Variants in TBC1D22A observed in about 807,000 individuals in gnomAD.
TBC1D22A encodes the protein TBC1 domain family member 22A, also known as putative GTPase activator.
A neutral mutation model predicts 60.2 loss-of-function variants in TBC1D22A; 38 were observed. That is an observed-to-expected ratio of 0.63 (90% CI 0.49 to 0.83). TBC1D22A has a LOEUF of 0.83. TBC1D22A is among the 40% of genes least tolerant of loss of function. The pLI is 0.00. For missense variants in TBC1D22A, 628 were observed against 701.0 expected (o/e 0.90, Z 1.18); for synonymous variants, 302 against 281.7 (o/e 1.07, Z -0.72).
chr22:47,011,505 A>G (rs1388022172), intron 10 of TBC1D22A, among the ~76,000 whole-genome samples: 1 of 152,172 alleles, frequency 6.6e-6, no homozygotes, highest in Non-Finnish European at 1.5e-5. Flanking sequence ...GATGTTCCCC[A>G]TAACCAATGC....
chr22:46,790,441 T>C (rs1165630141), intron 1 of TBC1D22A, among the ~76,000 whole-genome samples: 1 of 152,252 alleles, frequency 6.6e-6, no homozygotes, highest in Non-Finnish European at 1.5e-5. Flanking sequence ...TAAGGTGACG[T>C]AGTCACAGGT....
At chr22:46,811,477 C>G (rs544801493) in intron 4 of TBC1D22A, among the ~76,000 whole-genome samples, 1 of 152,244 alleles carries the variant, frequency 6.6e-6, no homozygotes, top group South Asian at 2.1e-4. Flanking sequence ...ATGGGGCAAG[C>G]CTCTCTTAGG....
chr22:46,904,147 C>CTA (rs2069259821), intron 7 of TBC1D22A, among the ~76,000 whole-genome samples: 1 of 90,742 alleles, frequency 1.1e-5, no homozygotes, highest in East Asian at 3.8e-4. Context: ...ATCTATCTAC[C>CTA]TACCTACCTA....
At chr22:46,793,868 T>G (rs1318783637) in intron 3 of TBC1D22A, 27 bp downstream of exon 3, 1 of 1,505,652 alleles carries the variant, frequency 6.6e-7, no homozygotes, top group Non-Finnish European at 8.9e-7. Flanking sequence ...GAAGAGATGG[T>G]CTGGGTTTCT....
At chr22:46,865,496 G>A (rs977791986) in intron 4 of TBC1D22A, among the ~76,000 whole-genome samples, 8 of 152,210 alleles carry the variant, frequency 5.3e-5, no homozygotes, top group African/African-American at 1.7e-4. Context: ...TTTTTGAGCA[G>A]TGATTTGACA....
intron 12 of TBC1D22A, among the ~76,000 whole-genome samples, chr22:47,153,252 C>T (rs1287181554): frequency 2.6e-5 from 4 of 152,222 alleles, no homozygotes; most frequent in Non-Finnish European, 5.9e-5. Flanking sequence ...CTTCCAAATG[C>T]AGCTCACGTT....
intron 9 of TBC1D22A, among the ~76,000 whole-genome samples, chr22:46,983,703 T>G (rs1374894872): frequency 6.6e-6 from 1 of 151,758 alleles, no homozygotes; most frequent in African/African-American, 2.4e-5. Context: ...AGGTTTTTTT[T>G]TTTTTTATAT....
intron 11 of TBC1D22A, among the ~76,000 whole-genome samples, chr22:47,078,132 C>T (rs2064305410): frequency 6.6e-6 from 1 of 152,040 alleles, no homozygotes; most frequent in Non-Finnish European, 1.5e-5. Flanking sequence ...CCCTAGACAC[C>T]CTTGAGGGGG....
intron 1 of TBC1D22A, among the ~76,000 whole-genome samples, chr22:46,773,231 A>T (rs2083565183): frequency 6.6e-6 from 1 of 152,170 alleles, no homozygotes. Flanking sequence ...GGAGCCCAGG[A>T]ACAGGAGCCC....
chr22:46,858,090 A>G (rs544303512), intron 4 of TBC1D22A, among the ~76,000 whole-genome samples: 1 of 152,222 alleles, frequency 6.6e-6, no homozygotes, highest in African/African-American at 2.4e-5. Flanking sequence ...CCTTCCCACC[A>G]GCAATGCATG....
intron 8 of TBC1D22A, among the ~76,000 whole-genome samples, chr22:46,972,143 G>C (rs974324277): frequency 1.3e-5 from 2 of 152,222 alleles, no homozygotes; most frequent in Admixed American, 1.3e-4. Context: ...GTATGCTGTG[G>C]ACAATGGTGT....
intron 12 of TBC1D22A, among the ~76,000 whole-genome samples, chr22:47,117,812 A>G (rs1488564624): frequency 6.6e-6 from 1 of 152,196 alleles, no homozygotes; most frequent in African/African-American, 2.4e-5. Flanking sequence ...AAGTTTAAGC[A>G]TATTTAGTTG....
intron 10 of TBC1D22A, among the ~76,000 whole-genome samples, chr22:46,999,267 C>G (rs1347390232): frequency 1.3e-5 from 2 of 152,320 alleles, no homozygotes; most frequent in African/African-American, 2.4e-5. Flanking sequence ...ACCAAAGGAA[C>G]CCCAACGAAA....
At chr22:46,971,111 C>G (rs1376333387) in intron 8 of TBC1D22A, among the ~76,000 whole-genome samples, 4 of 152,212 alleles carry the variant, frequency 2.6e-5, no homozygotes, top group African/African-American at 9.7e-5. Flanking sequence ...CACGGGGGCT[C>G]TCTGAGTTAA....
At chr22:47,037,855 T>A (rs2062704948) in intron 11 of TBC1D22A, among the ~76,000 whole-genome samples, 1 of 152,182 alleles carries the variant, frequency 6.6e-6, no homozygotes, top group African/African-American at 2.4e-5. Flanking sequence ...GAGCTGCTTC[T>A]GCCAAAAAAC....
rs570688626 is a variant in TBC1D22A at position 46,792,448 on chromosome 22, C to T, written c.63-72C>T. 86 of 1,602,210 alleles carry T rather than the reference C, an allele frequency of 5.4e-5. No individual in the cohort carries two copies. The South Asian group carries it at 5.5e-4, about 10-fold the overall frequency. ...TGTGGGTTCCTGGGAGCCCACCTTT[C>T]GGCTGAGCTGGTGGAGGGCTCTTGG... is the stretch of plus-strand genomic sequence containing the variant. On this transcript the variant is annotated intron_variant, in intron 1 of 12. Transcript: ENST00000337137.
At chr22:47,119,385 T>TG (rs2066189468) in intron 12 of TBC1D22A, among the ~76,000 whole-genome samples, 2 of 152,346 alleles carry the variant, frequency 1.3e-5, no homozygotes, top group Admixed American at 1.3e-4. Context: ...CTGTCTCAGC[T>TG]GAATCATCAG....
At chr22:46,901,981 A>G (rs987056290) in intron 7 of TBC1D22A, among the ~76,000 whole-genome samples, 2 of 152,210 alleles carry the variant, frequency 1.3e-5, no homozygotes, top group African/African-American at 2.4e-5. Flanking sequence ...TTCAATTTCA[A>G]TATAGTTCCT....
intron 9 of TBC1D22A, among the ~76,000 whole-genome samples, chr22:46,992,610 TC>T (rs1395789973): frequency 6.6e-6 from 1 of 152,230 alleles, no homozygotes; most frequent in Non-Finnish European, 1.5e-5. Context: ...TTCGCACACA[TC>T]GATACTCAGG....
Sources: gnomAD v4.1 joint callset for allele counts (sites outside exome capture counted in the v4.1 genomes callset) on GRCh38, gnomAD v4.1.1 for gene constraint, MANE v1.5 for transcripts, NCBI Gene and HGNC (gene_info 2026-07-23, HGNC 2026-07-21) for gene names.